HSD17B2: variants seen among roughly 807,000 people sequenced by gnomAD.
HSD17B2 encodes the protein 17-beta-hydroxysteroid dehydrogenase type 2.
In HSD17B2, 32 loss-of-function variants were observed where a neutral mutation model predicts 26.9. The ratio of observed to expected loss-of-function variants is 1.19; its 90% confidence interval spans 0.90 to 1.60. The LOEUF (loss-of-function observed/expected upper bound fraction) is 1.60. Among genes scored for constraint, HSD17B2 ranks in the 40% most tolerant of loss-of-function variants. HSD17B2 has a pLI of 0.00. For missense variants in HSD17B2, 613 were observed against 468.6 expected (o/e 1.31, Z -2.85); for synonymous variants, 246 against 186.7 (o/e 1.32, Z -2.59).
chr16:82,075,244 A>T (rs1451238452), intron 3 of HSD17B2, among the ~76,000 whole-genome samples: 1 of 152,210 alleles, frequency 6.6e-6, no homozygotes, highest in East Asian at 1.9e-4. Context: ...CTACATTAAA[A>T]AAGTAGAAAC....
Position 82,035,290 on chromosome 16 carries a change from G to C in HSD17B2, c.-135G>C, listed in dbSNP as rs8191052. 186 of 720,480 alleles carry C rather than the reference G, an allele frequency of 2.6e-4. 1 individual carries two copies. The African/African-American group carries it at 3.0e-3, about 12-fold the overall frequency. The allele number at this position is 720,480 out of a possible 1,614,324, so 44.6% of individuals were successfully genotyped here. A position where few individuals can be genotyped will look rare whatever the true frequency, so the allele number is the denominator to read the frequency against. On this transcript the variant is annotated 5_prime_UTR_variant, in exon 1 of 5. Transcript: ENST00000199936. ...TATGATTATGCTTAATCTATGCTCA[G>C]TTGAAAGGGGCTGGGGCTGCTTTCT... is the stretch of plus-strand genomic sequence containing the variant.
chr16:82,054,652 A>G (rs534720789), intron 1 of HSD17B2, among the ~76,000 whole-genome samples: 16 of 152,176 alleles, frequency 1.1e-4, no homozygotes, highest in African/African-American at 3.9e-4. Context: ...GCCCTGCCCT[A>G]TTCTTAACAT....
chr16:82,067,356 T>C (rs1034895719), intron 1 of HSD17B2, among the ~76,000 whole-genome samples: 2 of 152,256 alleles, frequency 1.3e-5, no homozygotes, highest in Non-Finnish European at 2.9e-5. Flanking sequence ...GGTGATTTAA[T>C]GTTCATGTTA....
intron 3 of HSD17B2, 197 bp downstream of exon 3, chr16:82,071,324 AT>A (rs1478175717): frequency 4.6e-6 from 3 of 646,596 alleles, no homozygotes; most frequent in African/African-American, 1.8e-5. Context: ...AGAAACTCTT[AT>A]CTGCCTTCTA....
intron 4 of HSD17B2, chr16:82,091,501 T>C (rs1474928024): frequency 1.1e-5 from 2 of 175,942 alleles, no homozygotes; most frequent in African/African-American, 2.4e-5. Context: ...GCAAGAGCTA[T>C]ATATTTACAA....
Position 82,098,350 on chromosome 16 carries a change from G to T in HSD17B2, c.1078G>T (p.Asp360Tyr). 3 of 1,614,152 alleles carry T rather than the reference G, an allele frequency of 1.9e-6. No individual in the cohort carries two copies. Among genetic ancestry groups the T allele is most frequent in the Non-Finnish European group, 2.5e-6 (3 of 1,180,012 alleles). Residue 360 changes from aspartate to tyrosine, a missense_variant, in exon 5 of 5, where the codon GAT (aspartate) becomes TAT (tyrosine). By Grantham distance (160) the Asp-to-Tyr change is radical. Coordinates refer to ENST00000199936, the MANE Select transcript of HSD17B2 (RefSeq NM_002153.3). ...LAHYLPIGIYDYFAKRHFGQD... is the reference protein window; with the variant it reads ...LAHYLPIGIYYYFAKRHFGQD... The stretch of plus-strand genomic sequence containing the variant: ...TCACTATTTGCCTATTGGCATATAT[G>T]ATTACTTTGCTAAAAGACATTTTGG...
At chr16:82,089,246 C>T (rs1365213019) in intron 3 of HSD17B2, among the ~76,000 whole-genome samples, 2 of 152,188 alleles carry the variant, frequency 1.3e-5, no homozygotes, top group African/African-American at 4.8e-5. Context: ...GTGTTTGGCT[C>T]TCTCACTGCC....
intron 1 of HSD17B2, among the ~76,000 whole-genome samples, chr16:82,064,928 T>G (rs1486680111): frequency 6.6e-6 from 1 of 152,206 alleles, no homozygotes. Flanking sequence ...ATGACCTCTT[T>G]GGTCAGACAG....
At chr16:82,045,641 G>C (rs1913903692) in intron 1 of HSD17B2, among the ~76,000 whole-genome samples, 1 of 152,174 alleles carries the variant, frequency 6.6e-6, no homozygotes, top group African/African-American at 2.4e-5. Context: ...TCATACAATA[G>C]TGCCCTGCTC....
At chr16:82,080,480 G>C (rs1486370775) in intron 3 of HSD17B2, among the ~76,000 whole-genome samples, 1 of 152,196 alleles carries the variant, frequency 6.6e-6, no homozygotes, top group Non-Finnish European at 1.5e-5. Context: ...AATGCAGGTG[G>C]CTTCTAGAAG....
Position 82,071,198 on chromosome 16 carries a change from G to A in HSD17B2, c.664+71G>A, listed in dbSNP as rs1216786510. On this transcript the variant is annotated intron_variant, in intron 3 of 4. Coordinates refer to ENST00000199936, the MANE Select transcript of HSD17B2 (RefSeq NM_002153.3). ...ACATGGCTCATGGCATTCTATGTGG[G>A]CGAACAAAAATGCAGGGCATGCAAA... 3.4e-6 allele frequency: 5 copies of A among 1,477,622 alleles called. No individual in the cohort carries two copies. The East Asian group carries it at 1.1e-4, about 33-fold the overall frequency. The allele number at this position is 1,477,622 out of a possible 1,614,324, so 91.5% of individuals were successfully genotyped here.
At chr16:82,058,874 G>A (rs147458798) in intron 1 of HSD17B2, among the ~76,000 whole-genome samples, 1 of 152,334 alleles carries the variant, frequency 6.6e-6, no homozygotes, top group East Asian at 1.9e-4. Flanking sequence ...CAGGGAGCGA[G>A]TACAGGGCAA....
At chr16:82,093,225 C>A (rs9934209) in intron 4 of HSD17B2, 10 of 152,110 alleles carry the variant, frequency 6.6e-5, no homozygotes, top group African/African-American at 2.4e-4. Context: ...CATCACAGCC[C>A]TCTCCAACCT....
chr16:82,097,976 C>A, intron 4 of HSD17B2, 99 bp from the exon 5 acceptor site: 1 of 1,119,850 alleles, frequency 8.9e-7, no homozygotes, highest in Non-Finnish European at 1.2e-6. Context: ...AAATAAACGT[C>A]ATTTGCAAAG....
intron 1 of HSD17B2, among the ~76,000 whole-genome samples, chr16:82,048,322 G>A (rs1421827620): frequency 6.6e-6 from 1 of 152,176 alleles, no homozygotes; most frequent in Non-Finnish European, 1.5e-5. Context: ...CCAGTATGGA[G>A]GAGAGAGAAA....
intron 3 of HSD17B2, chr16:82,071,630 A>G: frequency 4.6e-6 from 1 of 217,084 alleles, no homozygotes; most frequent in Non-Finnish European, 9.3e-6. Flanking sequence ...TCAGGATGTG[A>G]TGACACTGGA....
chr16:82,065,592 G>GTGTATA (rs1914552532), intron 1 of HSD17B2, among the ~76,000 whole-genome samples: 2 of 152,212 alleles, frequency 1.3e-5, no homozygotes, highest in Admixed American at 1.3e-4. Flanking sequence ...CCAGCAGGGT[G>GTGTATA]TGTATAACCA....
intron 1 of HSD17B2, among the ~76,000 whole-genome samples, chr16:82,050,569 T>C (rs979600211): frequency 1.3e-5 from 2 of 152,144 alleles, no homozygotes; most frequent in African/African-American, 2.4e-5. Context: ...CTTTCTGCTG[T>C]AGAGAATTCA....
At chr16:82,095,730 T>C (rs1904820278) in intron 4 of HSD17B2, 1 of 152,242 alleles carries the variant, frequency 6.6e-6, no homozygotes, top group Non-Finnish European at 1.5e-5. Context: ...GGAAATTCTG[T>C]TGCTCTGGTT....
Sources: gnomAD v4.1 joint callset for allele counts (sites outside exome capture counted in the v4.1 genomes callset) on GRCh38, gnomAD v4.1.1 for gene constraint, MANE v1.5 for transcripts, NCBI Gene and HGNC (gene_info 2026-07-23, HGNC 2026-07-21) for gene names.